Variants in PCDHGB5 observed in about 807,000 individuals in gnomAD.
The protein encoded by PCDHGB5 is protocadherin gamma-B5.
In PCDHGB5, 48 loss-of-function variants were observed where a neutral mutation model predicts 62.9. The ratio of observed to expected loss-of-function variants is 0.76; its 90% CI spans 0.61 to 0.97. The LOEUF is 0.97. Ranked by LOEUF, PCDHGB5 falls within the 50% of genes least tolerant of loss-of-function variation. The pLI is 0.00. For synonymous variants in PCDHGB5, 474 were observed against 511.2 expected (o/e 0.93, Z 0.98); for missense variants, 1,118 against 1,198.6 (o/e 0.93, Z 0.99).
At chr5:141,424,022 A>G (rs2096795541) in intron 1 of PCDHGB5, 13 of 1,046,584 alleles carry the variant, frequency 1.2e-5, no homozygotes, top group Non-Finnish European at 1.4e-5. Context: ...ATGATTCACA[A>G]ACACTTTTTA....
At chr5:141,458,485 A>G (rs2098946793) in intron 1 of PCDHGB5, among the ~76,000 whole-genome samples, 1 of 151,558 alleles carries the variant, frequency 6.6e-6, no homozygotes, top group Non-Finnish European at 1.5e-5. Context: ...GAAAATGAGG[A>G]CTGCCTGTAC....
chr5:141,504,848 C>G (rs181277525), intron 2 of PCDHGB5, among the ~76,000 whole-genome samples: 1 of 152,236 alleles, frequency 6.6e-6, no homozygotes, highest in Non-Finnish European at 1.5e-5. Context: ...CTGGAACATT[C>G]TCTTCCATTT....
chr5:141,418,948 A>G (rs767664022), intron 1 of PCDHGB5: 1 of 1,614,042 alleles, frequency 6.2e-7, no homozygotes, highest in Non-Finnish European at 8.5e-7. Context: ...CCCCTCCAGG[A>G]GTGGTTGTTG....
intron 2 of PCDHGB5, among the ~76,000 whole-genome samples, chr5:141,498,839 A>C (rs2099786236): frequency 6.6e-6 from 1 of 152,062 alleles, no homozygotes; most frequent in Non-Finnish European, 1.5e-5. Context: ...AGGCTGAGGC[A>C]GGGGAATCGC....
At chr5:141,425,802 C>T (rs966768224) in intron 1 of PCDHGB5, among the ~76,000 whole-genome samples, 6 of 152,160 alleles carry the variant, frequency 3.9e-5, no homozygotes, top group African/African-American at 1.4e-4. Context: ...ATGTGCATTG[C>T]TTCTGCTTAG....
intron 1 of PCDHGB5, chr5:141,413,772 A>G: frequency 1.9e-6 from 3 of 1,613,226 alleles, no homozygotes; most frequent in Non-Finnish European, 2.5e-6. Context: ...CGGAGCTGGT[A>G]CTGGAGCACT....
In PCDHGB5 at chr5:141,489,053, G is replaced by C; in HGVS notation, c.2398-5754G>C. 1 of 473,650 alleles carries C rather than the reference G, an allele frequency of 2.1e-6. No homozygotes were observed. Among genetic ancestry groups the C allele is most frequent in the Non-Finnish European group, 3.7e-6 (1 of 270,732 alleles). The allele number at this position is 473,650 out of a possible 1,614,324, so 29.3% of individuals were successfully genotyped here. A position where few individuals can be genotyped will look rare whatever the true frequency, so the allele number is the denominator to read the frequency against. On this transcript the variant is annotated intron_variant, in intron 1 of 3. Transcript: ENST00000617380. The surrounding 1 kb of genome is among the most constrained non-coding windows in gnomAD (Gnocchi z 4.5). ...AGCTCCCCAGCTCCACTCAAATTCA[G>C]CTCCCCTCCCCCCTGCCCACCCCCG...
At chr5:141,408,412 G>A in intron 1 of PCDHGB5, 2 of 1,614,052 alleles carry the variant, frequency 1.2e-6, no homozygotes, top group South Asian at 1.1e-5. Flanking sequence ...GAGTGAGCGC[G>A]GAGAAGCTGC....
rs1330469043 is a variant in PCDHGB5 at position 141,491,537 on chromosome 5, C to A, written c.2398-3270C>A. On this transcript the variant is annotated intron_variant, in intron 1 of 3. Transcript: ENST00000617380. This position sits in a 1 kb window ranked among gnomAD's most constrained non-coding sequence, Gnocchi z 6.9. ...AAGTACATGGAGGTGACGCTGCGGCCCACAGACTCGCAGAGCCACTGCTAC... is the reference window on the plus strand; with the variant it reads ...AAGTACATGGAGGTGACGCTGCGGCACACAGACTCGCAGAGCCACTGCTAC... The A allele has an allele frequency of 6.2e-7, 1 of 1,613,908 alleles. No homozygotes were observed. Among genetic ancestry groups the A allele is most frequent in the African/African-American group, 1.3e-5 (1 of 74,920 alleles).
Position 141,400,339 on chromosome 5 carries a change from A to G in PCDHGB5, c.2212A>G (p.Asn738Asp). ...CAAGTCTGGACCTGTGGTTCCCCCC[A>G]ACTACAGTCAGGGGACTTTGCCTTA... ...CVKSGPVVPP[N>D]YSQGTLPYSY... Residue 738 changes from asparagine to aspartate, a missense_variant, in exon 1 of 4, where the codon AAC becomes GAC. This residue lies in a region of PCDHGB5 where 1,034 missense variants were observed against 1,029.1 expected (regional missense o/e 1.00). Transcript: ENST00000617380. The G allele has an allele frequency of 6.2e-7, 1 of 1,613,986 alleles. No homozygotes were observed.
chr5:141,476,046 C>T lies in PCDHGB5; in HGVS notation c.2398-18761C>T. 6.7e-7 allele frequency: 1 copy of T among 1,491,396 alleles called. No individual in the cohort carries two copies. Among genetic ancestry groups the T allele is most frequent in the Non-Finnish European group, 8.9e-7 (1 of 1,122,928 alleles). 92.4% of individuals were successfully genotyped at this position (1,491,396 alleles called of 1,614,324 possible). On this transcript the variant is annotated intron_variant, in intron 1 of 3. Coordinates refer to ENST00000617380, the MANE Select transcript of PCDHGB5 (RefSeq NM_018925.3). This position sits in a 1 kb window ranked among gnomAD's most constrained non-coding sequence, Gnocchi z 7.6. ...CGGCGCCCAGCGCCCAAGCGCTAAC[C>T]CGCTGAAAGTTTCTCAGCGAAATCT...
chr5:141,511,374 CA>C lies in PCDHGB5; in HGVS notation c.*202del. ...CCCCAGGGGGTTGAATATGCAAAAG[CA>C]GTTCCGCTGGGAACCCCCATCCAAT... On this transcript the variant is annotated 3_prime_UTR_variant, in exon 4 of 4. Coordinates refer to ENST00000617380, the MANE Select transcript of PCDHGB5 (RefSeq NM_018925.3). The C allele has an allele frequency of 8.0e-7, 1 of 1,242,392 alleles. No individual in the cohort carries two copies. 77.0% of individuals were successfully genotyped at this position (1,242,392 alleles called of 1,614,324 possible).
chr5:141,509,292 T>A (rs1407798154), intron 3 of PCDHGB5, among the ~76,000 whole-genome samples: 1 of 152,028 alleles, frequency 6.6e-6, no homozygotes, highest in Non-Finnish European at 1.5e-5. Context: ...GGGTCCAGGG[T>A]GGAGGCAGAG....
chr5:141,479,679 T>A (rs1211872684), intron 1 of PCDHGB5: 1 of 152,258 alleles, frequency 6.6e-6, no homozygotes, highest in East Asian at 1.9e-4. Flanking sequence ...AAGGAGAGTC[T>A]TTTTGGTGCC....
At chr5:141,503,363 G>A (rs2099819478) in intron 2 of PCDHGB5, among the ~76,000 whole-genome samples, 2 of 152,132 alleles carry the variant, frequency 1.3e-5, no homozygotes, top group East Asian at 1.9e-4. Context: ...TTGGGAAGCG[G>A]AGGCAGGTGG....
chr5:141,410,215 A>G (rs2095369286), intron 1 of PCDHGB5: 11 of 1,613,894 alleles, frequency 6.8e-6, no homozygotes, highest in Non-Finnish European at 8.5e-6. Flanking sequence ...TGCAAGAGAT[A>G]CTGCCAGACC....
At chr5:141,419,939 G>GTGGCCT (rs780963377) in intron 1 of PCDHGB5, 3 of 1,614,054 alleles carry the variant, frequency 1.9e-6, no homozygotes, top group Admixed American at 1.7e-5. Flanking sequence ...TTACCTGGTG[G>GTGGCCT]TGGCCTTGGC....
chr5:141,404,387 C>A, intron 1 of PCDHGB5: 1 of 1,613,874 alleles, frequency 6.2e-7, no homozygotes, highest in Non-Finnish European at 8.5e-7. Context: ...TGCCTATGAC[C>A]CTGATAGCAA....
At position 141,489,870 on chromosome 5, in the gene PCDHGB5, G is replaced by T; in HGVS notation, c.2398-4937G>T. On this transcript the variant is annotated intron_variant, in intron 1 of 3. Transcript: ENST00000617380. The surrounding 1 kb of genome is among the most constrained non-coding windows in gnomAD (Gnocchi z 4.5). ...GTGAAGCCCAGGCAAGACATCAGCT[G>T]GTGCTTACTGCTGTGGATGGGGGGA... 1.2e-6 allele frequency: 2 copies of T among 1,614,220 alleles called. No individual in the cohort carries two copies. The highest frequency in any genetic ancestry group is 1.7e-6 in the Non-Finnish European group (2 of 1,180,024).
Sources: allele counts gnomAD v4.1 joint callset (sites outside exome capture counted in the v4.1 genomes callset), GRCh38; gene constraint gnomAD v4.1.1; regional missense constraint gnomAD v4.1.1; non-coding constraint Gnocchi (gnomAD v3.1); transcripts MANE v1.5; gene names NCBI Gene and HGNC (gene_info 2026-07-23, HGNC 2026-07-21).